Variants in FIRRM observed in about 807,000 individuals in gnomAD.
The protein encoded by FIRRM is FIGNL1 interacting regulator of recombination and mitosis.
At chr1:169,819,507 A>G in the FIRRM span, among the ~76,000 whole-genome samples, 11 of 152,206 alleles carry the variant, frequency 7.2e-5, no homozygotes, top group African/African-American at 2.7e-4. Context: ...AGAGCCTTAG[A>G]TTTTGAGAGG....
chr1:169,853,687 T>C, the FIRRM span: 2 of 1,609,358 alleles, frequency 1.2e-6, no homozygotes, highest in Non-Finnish European at 1.7e-6. Flanking sequence ...GAATCCTTTT[T>C]CCTAAAGTTT....
chr1:169,821,960 TA>T, the FIRRM span, among the ~76,000 whole-genome samples: 8 of 149,214 alleles, frequency 5.4e-5, no homozygotes, highest in South Asian at 2.1e-4. Flanking sequence ...TCTTAGAAAG[TA>T]AAAAAAAAAT....
the FIRRM span, among the ~76,000 whole-genome samples, chr1:169,814,019 A>G: frequency 6.6e-6 from 1 of 152,326 alleles, no homozygotes; most frequent in African/African-American, 2.4e-5. Context: ...ACATTATACA[A>G]GTTGTTTACA....
At chr1:169,829,631 C>T in the FIRRM span, among the ~76,000 whole-genome samples, 1 of 151,986 alleles carries the variant, frequency 6.6e-6, no homozygotes, top group African/African-American at 2.4e-5. Context: ...TAATATTTGG[C>T]TAAAATATTT....
the FIRRM span, chr1:169,793,001 AC>A: frequency 6.2e-6 from 10 of 1,613,942 alleles, no homozygotes. Flanking sequence ...GGAGTTAGCT[AC>A]TACATTAGGT....
At chr1:169,847,163 A>G in the FIRRM span, among the ~76,000 whole-genome samples, 39,928 of 151,990 alleles carry the variant, frequency 0.26, 5,733 homozygotes, top group Middle Eastern at 0.36. Context: ...AACATCAAAG[A>G]TCACAAATCA....
At chr1:169,795,231 T>C in the FIRRM span, 1 of 1,533,608 alleles carries the variant, frequency 6.5e-7, no homozygotes, top group Non-Finnish European at 8.7e-7. Context: ...TCCTTGGTTG[T>C]CACTTCTACC....
chr1:169,852,114 C>T, the FIRRM span: 63 of 740,506 alleles, frequency 8.5e-5, no homozygotes, highest in African/African-American at 7.1e-4. Context: ...AGTGGGACTA[C>T]ACCATATCAA....
chr1:169,797,529 C>T, the FIRRM span, among the ~76,000 whole-genome samples: 1 of 152,060 alleles, frequency 6.6e-6, no homozygotes, highest in African/African-American at 2.4e-5. Context: ...TCTTGTATTA[C>T]TGTGGTAGGA....
At chr1:169,818,928 C>A in the FIRRM span, among the ~76,000 whole-genome samples, 1 of 152,118 alleles carries the variant, frequency 6.6e-6, no homozygotes, top group African/African-American at 2.4e-5. Flanking sequence ...CCCAGGTGAT[C>A]TGCCTGCCTC....
chr1:169,795,861 G>T, the FIRRM span: 4 of 984,670 alleles, frequency 4.1e-6, 1 homozygote, highest in East Asian at 2.3e-4. Flanking sequence ...TCTTCCGCTT[G>T]TTGTTGGCTT....
the FIRRM span, among the ~76,000 whole-genome samples, chr1:169,805,591 C>T: frequency 6.6e-6 from 1 of 152,140 alleles, no homozygotes; most frequent in Non-Finnish European, 1.5e-5. Flanking sequence ...AATAATCTAC[C>T]ACAGACTGAG....
chr1:169,843,807 G>A, the FIRRM span: 1 of 1,338,690 alleles, frequency 7.5e-7, no homozygotes, highest in Non-Finnish European at 1.1e-6. Context: ...TGTTTGCTAA[G>A]GAGGTTGCTA....
chr1:169,836,522 C>T, the FIRRM span, among the ~76,000 whole-genome samples: 1 of 152,102 alleles, frequency 6.6e-6, no homozygotes, highest in Non-Finnish European at 1.5e-5. Context: ...AGTGAGATAA[C>T]AGTAAGCTAT....
chr1:169,841,269 G>A, the FIRRM span, among the ~76,000 whole-genome samples: 1 of 152,176 alleles, frequency 6.6e-6, no homozygotes, highest in Non-Finnish European at 1.5e-5. Flanking sequence ...ATTTGCATAT[G>A]TTGAACCAAC....
chr1:169,853,738 A>G, the FIRRM span: 2 of 1,613,830 alleles, frequency 1.2e-6, no homozygotes, highest in South Asian at 1.1e-5. Flanking sequence ...TTCCCAGTTC[A>G]GCTCCCCTTC....
the FIRRM span, among the ~76,000 whole-genome samples, chr1:169,836,246 T>G: frequency 6.6e-6 from 1 of 152,342 alleles, no homozygotes; most frequent in Admixed American, 6.5e-5. Context: ...CAAAAACTGA[T>G]TCAACATTTA....
chr1:169,792,740 A>G, the FIRRM span: 2 of 1,613,880 alleles, frequency 1.2e-6, no homozygotes, highest in Non-Finnish European at 1.7e-6. Flanking sequence ...GGCCAAAAGT[A>G]CACGTCCATT....
the FIRRM span, among the ~76,000 whole-genome samples, chr1:169,822,987 C>T: frequency 3.3e-5 from 5 of 151,746 alleles, no homozygotes; most frequent in Non-Finnish European, 1.5e-5. Context: ...TGTGGTGGCT[C>T]ATGCCTGTAA....
Sources: gnomAD v4.1 joint callset for allele counts (sites outside exome capture counted in the v4.1 genomes callset) on GRCh38, gnomAD v4.1.1 for gene constraint, MANE v1.5 for transcripts, NCBI Gene and HGNC (gene_info 2026-07-23, HGNC 2026-07-21) for gene names.